Variants in RBFOX3 observed in about 807,000 individuals in gnomAD.
The protein encoded by RBFOX3 is RNA binding protein fox-1 homolog 3.
RBFOX3 carries 17 observed loss-of-function variants against 48.7 expected under a neutral mutation model. That is an observed-to-expected ratio of 0.35 (90% CI 0.24 to 0.52). The LOEUF is 0.52. Among genes scored for constraint, RBFOX3 ranks in the 20% least tolerant of loss-of-function variants. The pLI, the probability that RBFOX3 is intolerant of heterozygous loss-of-function variation, is 0.94. For missense variants in RBFOX3, 382 were observed against 497.5 expected, an observed-to-expected ratio of 0.77 and a Z score of 2.21; for synonymous variants, 212 against 209.5, an observed-to-expected ratio of 1.01 and a Z score of -0.10.
rs547909486 is a variant in RBFOX3, at chr17:79,362,161, G to A, written c.-174-54337C>T. Among the ~76,000 whole-genome samples, 14 of 152,326 alleles carry A rather than the reference G, an allele frequency of 9.2e-5. No individual in the cohort carries two copies. Among genetic ancestry groups the A allele is most frequent in the South Asian group, 8.3e-4 (4 of 4,814 alleles). On this transcript the variant is annotated intron_variant, in intron 2 of 14. Transcript: ENST00000693108. This position sits in a 1 kb window ranked among gnomAD's most constrained non-coding sequence, Gnocchi z 4.2. ...AGCCCTCCACGGGCCACGGCCAAGC[G>A]CTGAGCCAACAGAGTTTGCCTCCTG...
intron 4 of RBFOX3, among the ~76,000 whole-genome samples, chr17:79,149,472 CGA>C (rs1156411985): frequency 6.6e-6 from 1 of 151,994 alleles, no homozygotes; most frequent in Non-Finnish European, 1.5e-5. Context: ...GGGCTGGACA[CGA>C]GAGTGGACCT....
intron 2 of RBFOX3, among the ~76,000 whole-genome samples, chr17:79,325,756 C>G (rs1055131939): frequency 5.3e-5 from 8 of 152,234 alleles, no homozygotes; most frequent in Non-Finnish European, 1.0e-4. Flanking sequence ...GCTCCAACCT[C>G]TTGGATATTT....
At chr17:79,654,556 G>C in the RBFOX3 span, among the ~76,000 whole-genome samples, 10 of 152,286 alleles carry the variant, frequency 6.6e-5, no homozygotes, top group African/African-American at 1.9e-4. Context: ...AATTCAAATA[G>C]ACATGGGCAC....
At position 79,477,488 on chromosome 17, in the gene RBFOX3, G is replaced by A. The variant is rs1362597337; in HGVS notation, c.-175+4966C>T. Reference sequence around the variant, plus strand: ...GGAGAATGGCGTGAACCCGGGAGGCGGAGTTTGCAGTGAGCTGAGATCGCC... The same window carrying A: ...GGAGAATGGCGTGAACCCGGGAGGCAGAGTTTGCAGTGAGCTGAGATCGCC... On this transcript the variant is annotated intron_variant, in intron 2 of 14. Coordinates refer to ENST00000693108, the MANE Select transcript of RBFOX3 (RefSeq NM_001350451.2). This position sits in a 1 kb window ranked among gnomAD's most constrained non-coding sequence, Gnocchi z 4.8. Among the ~76,000 whole-genome samples, 31 of 149,800 alleles carry A rather than the reference G, an allele frequency of 2.1e-4. No homozygotes were observed. The highest frequency in any genetic ancestry group is 6.0e-4 in the Admixed American group (9 of 15,084).
At chr17:79,557,245 A>G (rs1306974578) in intron 1 of RBFOX3, among the ~76,000 whole-genome samples, 21 of 149,818 alleles carry the variant, frequency 1.4e-4, no homozygotes, top group Non-Finnish European at 3.1e-4. Context: ...AAAAAAAAAA[A>G]AAAAGGAAAG....
the RBFOX3 span, among the ~76,000 whole-genome samples, chr17:79,643,897 T>A: frequency 5.0e-5 from 5 of 100,652 alleles, no homozygotes; most frequent in African/African-American, 1.6e-4. Flanking sequence ...AAAAAGTAAT[T>A]AAAAGGAAAT....
chr17:79,360,826 C>CTT lies in RBFOX3; in HGVS notation c.-174-53004_-174-53003dup, dbSNP rs71365558. ...AGAAAAATTGCTCTGGATCAAATTCCTTTTTTTTTTTTTTTTAAGAAACAG... is the reference window on the plus strand; with the variant it reads ...AGAAAAATTGCTCTGGATCAAATTCCTTTTTTTTTTTTTTTTTTAAGAAACAG... On this transcript the variant is annotated intron_variant, in intron 2 of 14. Transcript: ENST00000693108. Among the ~76,000 whole-genome samples the CTT allele has an allele frequency of 6.2e-3, 898 of 145,754 alleles. 5 individuals are homozygous for CTT. Among genetic ancestry groups the CTT allele is most frequent in the Non-Finnish European group, 9.5e-3 (631 of 66,660 alleles).
In RBFOX3 at chr17:79,304,117, A is replaced by G. The variant is rs999318202; in HGVS notation, c.-74+3607T>C. Among the ~76,000 whole-genome samples, 9 of 152,302 alleles carry G rather than the reference A, an allele frequency of 5.9e-5. No homozygotes were observed. In the Middle Eastern group the frequency reaches 0.01, roughly 173 times the overall value. On this transcript the variant is annotated intron_variant, in intron 3 of 14. Coordinates refer to ENST00000693108, the MANE Select transcript of RBFOX3 (RefSeq NM_001350451.2). ...TTTCTAACTCCTGTTTGGAAAATTA[A>G]TCTTCTAGTTTCTTAGAGTGTAGCA...
the RBFOX3 span, among the ~76,000 whole-genome samples, chr17:79,621,839 G>A: frequency 6.6e-6 from 1 of 151,670 alleles, no homozygotes; most frequent in Non-Finnish European, 1.5e-5. Flanking sequence ...GCAGCTGCTG[G>A]TGGCTGCTCT....
At chr17:79,587,110 G>A (rs1434557911) in intron 1 of RBFOX3, among the ~76,000 whole-genome samples, 4 of 152,192 alleles carry the variant, frequency 2.6e-5, no homozygotes, top group African/African-American at 9.7e-5. Context: ...AGTAACTGGT[G>A]GGCGCAAGGC....
intron 4 of RBFOX3, among the ~76,000 whole-genome samples, chr17:79,159,306 G>T (rs766967440): frequency 1.3e-5 from 2 of 152,148 alleles, no homozygotes; most frequent in African/African-American, 2.4e-5. Context: ...GAGCTGGCCC[G>T]GGCGGTTCCT....
intron 1 of RBFOX3, among the ~76,000 whole-genome samples, chr17:79,570,468 A>G (rs2092634189): frequency 6.6e-6 from 1 of 152,172 alleles, no homozygotes; most frequent in Non-Finnish European, 1.5e-5. Context: ...GAATGGGTGG[A>G]CAGATGGATG....
At chr17:79,569,573 C>G (rs1417081913) in intron 1 of RBFOX3, among the ~76,000 whole-genome samples, 4 of 152,164 alleles carry the variant, frequency 2.6e-5, no homozygotes, top group Non-Finnish European at 5.9e-5. Flanking sequence ...TTTTCAATTC[C>G]TTTGGGTATA....
the RBFOX3 span, among the ~76,000 whole-genome samples, chr17:79,662,926 C>A: frequency 2.6e-5 from 4 of 152,032 alleles, no homozygotes; most frequent in East Asian, 5.8e-4. Flanking sequence ...ACCTCCAGAC[C>A]CTCCCACACC....
chr17:79,227,001 C>T (rs141335217), intron 4 of RBFOX3, among the ~76,000 whole-genome samples: 42 of 152,322 alleles, frequency 2.8e-4, no homozygotes, highest in Non-Finnish European at 4.1e-4. Context: ...CTGCGCGGAG[C>T]ATCTGCAGAA....
At chr17:79,400,176 A>C (rs927773313) in intron 2 of RBFOX3, among the ~76,000 whole-genome samples, 6 of 152,066 alleles carry the variant, frequency 3.9e-5, no homozygotes, top group African/African-American at 1.4e-4. Flanking sequence ...GGGGAGCCAC[A>C]AACTGGGTGG....
At chr17:79,557,891 C>T (rs906745364) in intron 1 of RBFOX3, among the ~76,000 whole-genome samples, 18 of 152,260 alleles carry the variant, frequency 1.2e-4, no homozygotes, top group African/African-American at 4.3e-4. Flanking sequence ...CAGGGGGTGG[C>T]GCTGCGGTTG....
chr17:79,210,645 C>T (rs574089509), intron 4 of RBFOX3, among the ~76,000 whole-genome samples: 11 of 152,284 alleles, frequency 7.2e-5, no homozygotes, highest in African/African-American at 1.7e-4. Flanking sequence ...ATTGAAGGGT[C>T]GGGTGGCTCT....
Position 79,094,480 on chromosome 17 carries a change from G to T in RBFOX3, c.1048C>A (p.Pro350Thr). 2.0e-6 allele frequency: 3 copies of T among 1,472,372 alleles called. 1 individual carries two copies. The highest frequency in any genetic ancestry group is 2.6e-5 in the South Asian group (2 of 75,524). 91.2% of individuals were successfully genotyped at this position (1,472,372 alleles called of 1,614,324 possible). ...AADPYHHTIG[P>T]AATYSIGTM is the part of the protein sequence containing the mutation. ...GTTCCAATGCTGTAGGTCGCCGCGG[G>T]CCCGATGGTGTGATGGTACGGGTCG... The change falls in exon 14 of 15, where the codon CCC becomes ACC. Residue 350 changes from proline to threonine, a missense_variant. This residue lies in a region of RBFOX3 where 215 missense variants were observed against 254.8 expected (regional missense o/e 0.84). Transcript: ENST00000693108.
Sources: allele counts gnomAD v4.1 joint callset (sites outside exome capture counted in the v4.1 genomes callset), GRCh38; gene constraint gnomAD v4.1.1; regional missense constraint gnomAD v4.1.1; non-coding constraint Gnocchi (gnomAD v3.1); transcripts MANE v1.5; gene names NCBI Gene and HGNC (gene_info 2026-07-23, HGNC 2026-07-21).